Variants in ABCC4 observed in about 807,000 individuals in gnomAD.
The protein encoded by ABCC4 is ATP binding cassette subfamily C member 4 (PEL blood group), also known as ATP-binding cassette sub-family C member 4.
A neutral mutation model predicts 168.5 loss-of-function variants in ABCC4; 102 were observed. That is an observed-to-expected ratio of 0.61 (90% CI 0.52 to 0.71). ABCC4 has a LOEUF of 0.71. Ranked by LOEUF, ABCC4 falls within the 30% of genes least tolerant of loss-of-function variation. The pLI, the probability that ABCC4 is intolerant of heterozygous loss-of-function variation, is 0.00. For synonymous variants in ABCC4, 617 were observed against 590.7 expected (o/e 1.04, Z -0.65); for missense variants, 1,402 against 1,605.8 (o/e 0.87, Z 2.17).
At chr13:95,175,316 T>A (rs561428546) in intron 13 of ABCC4, among the ~76,000 whole-genome samples, 3 of 152,182 alleles carry the variant, frequency 2.0e-5, no homozygotes, top group African/African-American at 4.8e-5. Context: ...ATTTTTTTTT[T>A]ATTATTATTA....
intron 1 of ABCC4, among the ~76,000 whole-genome samples, chr13:95,257,535 C>T (rs567410893): frequency 6.6e-6 from 1 of 151,908 alleles, no homozygotes; most frequent in Non-Finnish European, 1.5e-5. Flanking sequence ...CCGGACATGG[C>T]GGTGCACATC....
At chr13:95,291,323 C>T (rs1400587965) in intron 1 of ABCC4, among the ~76,000 whole-genome samples, 1 of 151,842 alleles carries the variant, frequency 6.6e-6, no homozygotes, top group Non-Finnish European at 1.5e-5. Flanking sequence ...CCACTGCACT[C>T]CAAGGCTGGC....
chr13:95,294,796 T>G (rs2041485937), intron 1 of ABCC4, among the ~76,000 whole-genome samples: 1 of 151,588 alleles, frequency 6.6e-6, no homozygotes, highest in African/African-American at 2.4e-5. Context: ...CTCCTAAAAG[T>G]ACAAAAAATT....
At chr13:95,132,512 T>C (rs940963628) in intron 19 of ABCC4, among the ~76,000 whole-genome samples, 39 of 152,188 alleles carry the variant, frequency 2.6e-4, no homozygotes, top group African/African-American at 8.9e-4. Flanking sequence ...CCACCGCGCC[T>C]GGCCCTCCCA....
rs11568695 is a variant in ABCC4 at position 95,044,286 on chromosome 13, C to T, written c.3609G>A (p.Ala1203=). 14,081 of 1,612,258 alleles carry T rather than the reference C, an allele frequency of 8.7e-3. 952 individuals are homozygous for T. In the African/African-American group the frequency reaches 0.15, roughly 18 times the overall value. ...TATACCTTGGATCCACATTTGCCGT[C>T]GCTTCATCAATAATCAATATCTGAT... ...RKNQILIIDE[A]TANVDPRTDE... is the part of the protein sequence containing the mutation. Residue 1203 remains alanine (A), a synonymous_variant, in exon 28 of 31, where the codon GCG becomes GCA. Transcript: ENST00000645237.
intron 1 of ABCC4, among the ~76,000 whole-genome samples, chr13:95,292,087 A>G (rs1394594597): frequency 1.3e-5 from 2 of 151,826 alleles, no homozygotes; most frequent in East Asian, 3.9e-4. Context: ...TCCAGGCACC[A>G]TGGCGCATGC....
intron 1 of ABCC4, 120 bp from the exon 2 acceptor site, chr13:95,247,873 G>C (rs534045022): frequency 1.5e-5 from 10 of 659,784 alleles, no homozygotes; most frequent in Non-Finnish European, 2.6e-5. Context: ...TATATAGACA[G>C]ACAGATATGA....
chr13:95,107,090 C>T (rs2035033629), intron 20 of ABCC4, among the ~76,000 whole-genome samples: 1 of 152,004 alleles, frequency 6.6e-6, no homozygotes, highest in African/African-American at 2.4e-5. Context: ...AACCCCATCT[C>T]TACTAAAAAT....
chr13:95,190,920 C>T (rs1038903643), intron 9 of ABCC4, among the ~76,000 whole-genome samples: 3 of 152,188 alleles, frequency 2.0e-5, no homozygotes, highest in African/African-American at 7.2e-5. Flanking sequence ...AATGCTCATC[C>T]ATATCATAGA....
intron 19 of ABCC4, among the ~76,000 whole-genome samples, chr13:95,117,965 A>T (rs1046323632): frequency 2.0e-5 from 3 of 152,148 alleles, no homozygotes; most frequent in African/African-American, 7.2e-5. Context: ...AATCATTAGT[A>T]TGTGAAAACC....
rs183168658 is a variant in ABCC4, at chr13:95,123,332, A to G, written c.2456-7331T>C. Among the ~76,000 whole-genome samples, 501 of 152,264 alleles carry G rather than the reference A, an allele frequency of 3.3e-3. 2 individuals carry two copies. Among genetic ancestry groups the G allele is most frequent in the Non-Finnish European group, 5.4e-3 (364 of 68,026 alleles). Reference sequence around the variant, plus strand: ...AATTTTACTTGTTTCATGACTTAAAATTGATGCTTGTTTGATGTCGCTCTG... The same window carrying G: ...AATTTTACTTGTTTCATGACTTAAAGTTGATGCTTGTTTGATGTCGCTCTG... On this transcript the variant is annotated intron_variant, in intron 19 of 30. Transcript: ENST00000645237.
intron 20 of ABCC4, among the ~76,000 whole-genome samples, chr13:95,094,833 A>AC (rs58458934): frequency 0.95 from 144,837 of 152,222 alleles, 69,037 homozygotes; most frequent in African/African-American, 0.98. Flanking sequence ...TAAGAAAAAA[A>AC]AATCTCATCA....
chr13:95,287,373 G>A (rs1457823216), intron 1 of ABCC4, among the ~76,000 whole-genome samples: 5 of 151,954 alleles, frequency 3.3e-5, no homozygotes, highest in Non-Finnish European at 7.4e-5. Flanking sequence ...CAGATCACGA[G>A]GTCAGGAGTT....
chr13:95,259,001 T>A (rs2040460876), intron 1 of ABCC4, among the ~76,000 whole-genome samples: 1 of 152,110 alleles, frequency 6.6e-6, no homozygotes. Context: ...GGAGGTAGGC[T>A]GCTCAGAGTC....
chr13:95,283,479 C>T (rs1032641553), intron 1 of ABCC4, among the ~76,000 whole-genome samples: 5 of 149,866 alleles, frequency 3.3e-5, no homozygotes, highest in Non-Finnish European at 7.4e-5. Flanking sequence ...AAGCAATGCC[C>T]CCATCTCAGC....
At chr13:95,252,478 C>T (rs9302053) in intron 1 of ABCC4, among the ~76,000 whole-genome samples, 97,971 of 151,888 alleles carry the variant, frequency 0.65, 33,864 homozygotes, top group Non-Finnish European at 0.78. Flanking sequence ...CAGTTCAAAA[C>T]CAGACTGGCC....
chr13:95,248,633 GC>G (rs1243040180), intron 1 of ABCC4, among the ~76,000 whole-genome samples: 2 of 151,552 alleles, frequency 1.3e-5, no homozygotes, highest in African/African-American at 2.4e-5. Context: ...CATGCACCAG[GC>G]ATAGTGGCTC....
intron 1 of ABCC4, among the ~76,000 whole-genome samples, chr13:95,273,420 T>A (rs4148427): frequency 0.079 from 12,088 of 152,156 alleles, 1,042 homozygotes; most frequent in African/African-American, 0.22. Context: ...GCCCCTTCCC[T>A]CAGGTTGTGA....
intron 20 of ABCC4, among the ~76,000 whole-genome samples, chr13:95,105,733 C>T (rs1388138808): frequency 1.3e-5 from 2 of 152,112 alleles, no homozygotes; most frequent in Non-Finnish European, 2.9e-5. Flanking sequence ...TGAAGAGTTC[C>T]AAAGCCAAGG....
Sources: allele counts gnomAD v4.1 joint callset (sites outside exome capture counted in the v4.1 genomes callset), GRCh38; gene constraint gnomAD v4.1.1; transcripts MANE v1.5; gene names NCBI Gene and HGNC (gene_info 2026-07-23, HGNC 2026-07-21).